The following DGKI variants were observed in gnomAD, a reference collection of about 807,000 sequenced individuals.
DGKI encodes diacylglycerol kinase iota.
In DGKI, 55 loss-of-function variants were observed where a neutral mutation model predicts 147.5. The observed-to-expected ratio is 0.37, with a 90% CI of 0.30 to 0.47. The LOEUF (loss-of-function observed/expected upper bound fraction) is 0.47. Among genes scored for constraint, DGKI ranks in the 20% least tolerant of loss-of-function variants. The pLI is 1.00. For synonymous variants in DGKI, 469 were observed against 477.1 expected, an observed-to-expected ratio of 0.98 and a Z score of 0.22; for missense variants, 1,007 against 1,323.8, an observed-to-expected ratio of 0.76 and a Z score of 3.71.
In DGKI at chr7:137,587,100, TC is replaced by T. The variant is rs1819433358; in HGVS notation, c.1421del (p.Gly474GlufsTer24). 2 of 1,594,802 alleles carry T rather than the reference TC, an allele frequency of 1.3e-6. No individual in the cohort carries two copies. Among genetic ancestry groups the T allele is most frequent in the African/African-American group, 1.4e-5 (1 of 73,536 alleles). On this transcript the variant is annotated frameshift_variant, in exon 13 of 33. Transcript: ENST00000614521. LOFTEE classifies it high-confidence loss of function. Reference sequence around the variant, plus strand: ...AGTCCCCGAGAGCAGTTCTTACCCCTCCCCAGTTGAGAGTTCGAGCCAGGTC... The same window carrying T: ...AGTCCCCGAGAGCAGTTCTTACCCCTCCCAGTTGAGAGTTCGAGCCAGGTC... ...GNDLARTLNW[G>X]GGYTDEPVSK...
intron 6 of DGKI, 36 bp from the exon 7 acceptor site, chr7:137,623,590 C>T (rs1183334575): frequency 6.3e-7 from 1 of 1,583,476 alleles, no homozygotes; most frequent in African/African-American, 1.3e-5. Context: ...TAATTTAAAA[C>T]CACCTCAGTT....
intron 3 of DGKI, among the ~76,000 whole-genome samples, chr7:137,660,398 A>G (rs1045040100): frequency 3.3e-5 from 5 of 152,230 alleles, no homozygotes; most frequent in South Asian, 2.1e-4. Flanking sequence ...CAGCAGCCAT[A>G]CAGTGGTTAT....
At chr7:137,726,342 C>T (rs970437171) in intron 1 of DGKI, among the ~76,000 whole-genome samples, 24 of 152,190 alleles carry the variant, frequency 1.6e-4, no homozygotes, top group Non-Finnish European at 3.1e-4. Flanking sequence ...GCTGCAAATG[C>T]TTCTGATCGA....
chr7:137,405,100 C>T (rs571933710), intron 30 of DGKI, among the ~76,000 whole-genome samples: 1 of 152,136 alleles, frequency 6.6e-6, no homozygotes, highest in East Asian at 1.9e-4. Flanking sequence ...TCCCAGGACT[C>T]ATCATTCATG....
At chr7:137,672,941 C>T (rs576664719) in intron 3 of DGKI, among the ~76,000 whole-genome samples, 5 of 152,058 alleles carry the variant, frequency 3.3e-5, no homozygotes, top group African/African-American at 1.2e-4. Context: ...GCATCACTAC[C>T]CCGGCTAATT....
At chr7:137,597,768 C>T (rs779268324) in intron 12 of DGKI, 79 bp downstream of exon 12, 159 of 1,343,610 alleles carry the variant, frequency 1.2e-4, no homozygotes, top group Non-Finnish European at 1.6e-4. Flanking sequence ...GACTGAGCAA[C>T]GAATAAAAAG....
chr7:137,766,008 T>C (rs118015191), intron 1 of DGKI, among the ~76,000 whole-genome samples: 6,990 of 152,308 alleles, frequency 0.046, 223 homozygotes, highest in South Asian at 0.073. Flanking sequence ...AGAAGCTACC[T>C]GAACAGGAGA....
intron 1 of DGKI, among the ~76,000 whole-genome samples, chr7:137,765,234 G>C (rs1276566217): frequency 6.6e-6 from 1 of 152,132 alleles, no homozygotes; most frequent in Non-Finnish European, 1.5e-5. Flanking sequence ...TAAAACTTCA[G>C]TGTCTTTCTC....
At chr7:137,663,540 A>G (rs1199650499) in intron 3 of DGKI, among the ~76,000 whole-genome samples, 2 of 152,156 alleles carry the variant, frequency 1.3e-5, no homozygotes, top group Non-Finnish European at 2.9e-5. Context: ...CCACTGCGGG[A>G]CAATTCCTGG....
chr7:137,469,525 T>A, intron 24 of DGKI, 25 bp downstream of exon 24: 2 of 1,612,728 alleles, frequency 1.2e-6, no homozygotes, highest in Non-Finnish European at 1.7e-6. Flanking sequence ...ACTCCCACGA[T>A]ACCCGCAAGA....
At chr7:137,581,270 C>G (rs1819180247) in intron 15 of DGKI, among the ~76,000 whole-genome samples, 1 of 152,150 alleles carries the variant, frequency 6.6e-6, no homozygotes, top group Non-Finnish European at 1.5e-5. Context: ...ACCTCTGTAT[C>G]ATCCAGTGGG....
intron 28 of DGKI, among the ~76,000 whole-genome samples, chr7:137,430,007 G>A (rs199609762): frequency 0.015 from 1,523 of 103,778 alleles, 28 homozygotes; most frequent in African/African-American, 0.05. Context: ...GATTCCTCAG[G>A]GATCTAGAAC....
At chr7:137,664,789 C>G (rs1026679879) in intron 3 of DGKI, among the ~76,000 whole-genome samples, 2 of 151,954 alleles carry the variant, frequency 1.3e-5, no homozygotes, top group African/African-American at 2.4e-5. Context: ...CTGTGAGAGA[C>G]AGACAACAAA....
At chr7:137,487,390 A>G (rs534536554) in intron 22 of DGKI, among the ~76,000 whole-genome samples, 1 of 152,302 alleles carries the variant, frequency 6.6e-6, no homozygotes, top group South Asian at 2.1e-4. Context: ...CACCAGGGCA[A>G]CAGCACCCTG....
At chr7:137,727,592 T>C (rs547529399) in intron 1 of DGKI, among the ~76,000 whole-genome samples, 2 of 152,304 alleles carry the variant, frequency 1.3e-5, no homozygotes, top group African/African-American at 2.4e-5. Context: ...ATGAAAGAAG[T>C]AGGGGAAGAA....
At chr7:137,630,251 G>A (rs1821082827) in intron 6 of DGKI, among the ~76,000 whole-genome samples, 3 of 152,018 alleles carry the variant, frequency 2.0e-5, no homozygotes, top group Non-Finnish European at 2.9e-5. Context: ...CCGTTCCAGA[G>A]GAATCAAGGA....
chr7:137,409,166 CT>C (rs1812071219), intron 29 of DGKI, among the ~76,000 whole-genome samples: 1 of 152,124 alleles, frequency 6.6e-6, no homozygotes, highest in African/African-American at 2.4e-5. Flanking sequence ...GCTAATTACC[CT>C]GATCTGATCA....
chr7:137,840,551 C>T (rs537542627), intron 1 of DGKI, among the ~76,000 whole-genome samples: 82 of 152,302 alleles, frequency 5.4e-4, no homozygotes, highest in African/African-American at 1.9e-3. Flanking sequence ...CAAATTAAGG[C>T]CTTTTCTTTG....
chr7:137,812,270 T>C (rs1797614194), intron 1 of DGKI, among the ~76,000 whole-genome samples: 1 of 152,216 alleles, frequency 6.6e-6, no homozygotes, highest in Non-Finnish European at 1.5e-5. Flanking sequence ...CTTCTCATCA[T>C]ATGGTTTTTA....
Sources: allele counts gnomAD v4.1 joint callset (sites outside exome capture counted in the v4.1 genomes callset), GRCh38; gene constraint gnomAD v4.1.1; transcripts MANE v1.5; gene names NCBI Gene and HGNC (gene_info 2026-07-23, HGNC 2026-07-21).